TBC1D22A: variants seen among roughly 807,000 people sequenced by gnomAD.
TBC1D22A encodes the protein putative GTPase activator.
In TBC1D22A, 38 loss-of-function variants were observed where a neutral mutation model predicts 60.2. The observed-to-expected ratio is 0.63, with a 90% CI of 0.49 to 0.83. TBC1D22A has a LOEUF of 0.83. TBC1D22A is among the 40% of genes least tolerant of loss of function. The pLI is 0.00. For missense variants in TBC1D22A, 628 were observed against 701.0 expected (o/e 0.90, Z 1.18); for synonymous variants, 302 against 281.7 (o/e 1.07, Z -0.72).
intron 11 of TBC1D22A, among the ~76,000 whole-genome samples, chr22:47,091,491 G>A (rs2064972282): frequency 2.9e-5 from 4 of 139,660 alleles, no homozygotes; most frequent in South Asian, 2.4e-4. Flanking sequence ...GAGTGGCCTC[G>A]TGGAGGGGGT....
chr22:46,967,664 T>A (rs1042552481), intron 8 of TBC1D22A, among the ~76,000 whole-genome samples: 3 of 152,230 alleles, frequency 2.0e-5, no homozygotes, highest in Non-Finnish European at 4.4e-5. Flanking sequence ...TGAAAGGAGC[T>A]GTTTACATTG....
rs575466326 is a variant in TBC1D22A at position 47,084,173 on chromosome 22, A to G, written c.1330-27335A>G. On this transcript the variant is annotated intron_variant, in intron 11 of 12. Coordinates refer to ENST00000337137, the MANE Select transcript of TBC1D22A (RefSeq NM_014346.5). The stretch of plus-strand genomic sequence containing the variant: ...GCCATTAGCCACATGCAGTTGTTTA[A>G]ATGAATAGATTGAAACATGACATTT... 7.9e-4 allele frequency among the ~76,000 whole-genome samples: 121 copies of G among 152,342 alleles called. 1 individual carries two copies. Among genetic ancestry groups the G allele is most frequent in the Admixed American group, 3.5e-3 (54 of 15,308 alleles).
At chr22:46,911,555 G>A (rs1482450912) in intron 7 of TBC1D22A, among the ~76,000 whole-genome samples, 1 of 152,202 alleles carries the variant, frequency 6.6e-6, no homozygotes, top group African/African-American at 2.4e-5. Flanking sequence ...GACGGACTGA[G>A]CCAGGGGCTG....
chr22:46,978,184 C>T (rs1263464327), intron 9 of TBC1D22A, among the ~76,000 whole-genome samples: 3 of 152,208 alleles, frequency 2.0e-5, no homozygotes, highest in African/African-American at 7.2e-5. Context: ...AGCAGGGACA[C>T]GGGCTCTGCC....
At chr22:46,897,650 G>GTT (rs1569189591) in intron 7 of TBC1D22A, among the ~76,000 whole-genome samples, 2 of 92,618 alleles carry the variant, frequency 2.2e-5, no homozygotes, top group African/African-American at 9.4e-5. Context: ...GTTTTTTTTT[G>GTT]TGTTTTTTTT....
intron 8 of TBC1D22A, among the ~76,000 whole-genome samples, chr22:46,939,399 A>G (rs2071853790): frequency 1.3e-5 from 2 of 152,230 alleles, no homozygotes; most frequent in African/African-American, 2.4e-5. Context: ...TAGTCATTCA[A>G]AAGGATGGGC....
At chr22:46,982,169 C>G (rs1053019850) in intron 9 of TBC1D22A, among the ~76,000 whole-genome samples, 2 of 151,296 alleles carry the variant, frequency 1.3e-5, no homozygotes, top group East Asian at 3.9e-4. Flanking sequence ...GTACTTGGGC[C>G]TGATCACTCA....
intron 10 of TBC1D22A, among the ~76,000 whole-genome samples, chr22:47,033,601 A>G (rs1319993127): frequency 6.6e-6 from 1 of 152,146 alleles, no homozygotes; most frequent in African/African-American, 2.4e-5. Flanking sequence ...CCCTTTCGTG[A>G]TAAATGCTTC....
chr22:46,870,245 A>G (rs2067240736), intron 4 of TBC1D22A, among the ~76,000 whole-genome samples: 2 of 152,368 alleles, frequency 1.3e-5, no homozygotes, highest in Middle Eastern at 3.4e-3. Context: ...CACTGAACCC[A>G]CAACCAGTGT....
At chr22:46,992,378 C>T (rs141414746) in intron 9 of TBC1D22A, among the ~76,000 whole-genome samples, 14 of 152,376 alleles carry the variant, frequency 9.2e-5, no homozygotes, top group Admixed American at 2.0e-4. Flanking sequence ...ACTGGGCATG[C>T]GGACACTCTC....
intron 4 of TBC1D22A, among the ~76,000 whole-genome samples, chr22:46,809,333 A>G (rs1401528525): frequency 6.6e-6 from 1 of 152,164 alleles, no homozygotes; most frequent in Non-Finnish European, 1.5e-5. Flanking sequence ...CCATAAGGAC[A>G]CTTATCCTGT....
At chr22:46,993,278 G>A (rs1038691388) in intron 9 of TBC1D22A, among the ~76,000 whole-genome samples, 3 of 152,232 alleles carry the variant, frequency 2.0e-5, no homozygotes, top group African/African-American at 4.8e-5. Context: ...TGTAAGGCAA[G>A]CTGAGCGTAT....
chr22:46,844,617 C>G (rs1602118261), intron 4 of TBC1D22A, among the ~76,000 whole-genome samples: 1 of 152,302 alleles, frequency 6.6e-6, no homozygotes, highest in South Asian at 2.1e-4. Context: ...CAGAGTGAAC[C>G]AGGCAGAGGT....
chr22:46,839,570 T>C (rs1192671883), intron 4 of TBC1D22A, among the ~76,000 whole-genome samples: 1 of 152,212 alleles, frequency 6.6e-6, no homozygotes, highest in African/African-American at 2.4e-5. Flanking sequence ...TCCAATGACA[T>C]GTTTTGCAAA....
chr22:47,021,002 A>G (rs738997), intron 10 of TBC1D22A, among the ~76,000 whole-genome samples: 3 of 152,112 alleles, frequency 2.0e-5, no homozygotes, highest in African/African-American at 2.4e-5. Flanking sequence ...CAGCTGGCTC[A>G]GTCCTGTAGC....
rs111235183 is a variant in TBC1D22A, at chr22:46,789,140, T to TC, written c.63-3380_63-3379insC. 845 of 152,654 alleles carry TC rather than the reference T, an allele frequency of 5.5e-3. 5 individuals are homozygous for TC. The highest frequency in any genetic ancestry group is 0.02 in the African/African-American group (811 of 40,928). The allele number at this position is 152,654 out of a possible 1,614,324, so 9.5% of individuals were successfully genotyped here. ...ATCTTCCTTCTTTTCTTTTTTTTTT[T>TC]TTTTTGAGACAGAGTCTCGCTGTCG... On this transcript the variant is annotated intron_variant, in intron 1 of 12. Transcript: ENST00000337137.
intron 10 of TBC1D22A, among the ~76,000 whole-genome samples, chr22:47,036,743 A>C (rs191075082): frequency 6.6e-6 from 1 of 152,274 alleles, no homozygotes; most frequent in Non-Finnish European, 1.5e-5. Context: ...GCGGGGAAAG[A>C]GCGCCTATCT....
chr22:47,030,997 C>T (rs1039729672), intron 10 of TBC1D22A, among the ~76,000 whole-genome samples: 3 of 152,186 alleles, frequency 2.0e-5, no homozygotes, highest in Non-Finnish European at 2.9e-5. Context: ...TGACCACTTC[C>T]GTGTGAAGAA....
chr22:47,018,517 C>T (rs2061977336), intron 10 of TBC1D22A, among the ~76,000 whole-genome samples: 1 of 152,272 alleles, frequency 6.6e-6, no homozygotes, highest in South Asian at 2.1e-4. Context: ...TGGAACCAGT[C>T]CGTCTGTCCG....
Sources: allele counts gnomAD v4.1 joint callset (sites outside exome capture counted in the v4.1 genomes callset), GRCh38; gene constraint gnomAD v4.1.1; transcripts MANE v1.5; gene names NCBI Gene and HGNC (gene_info 2026-07-23, HGNC 2026-07-21).